LRRC55: variants seen among roughly 807,000 people sequenced by gnomAD.
LRRC55 encodes leucine rich repeat containing 55.
LRRC55 carries 11 observed loss-of-function variants against 20.5 expected under a neutral mutation model. The ratio of observed to expected loss-of-function variants is 0.54; its 90% confidence interval spans 0.34 to 0.89. LRRC55 has a LOEUF of 0.89. Among genes scored for constraint, LRRC55 ranks in the 40% least tolerant of loss-of-function variants. The pLI, the probability that LRRC55 is intolerant of heterozygous loss-of-function variation, is 0.02. For missense variants in LRRC55, 358 were observed against 390.9 expected (o/e 0.92, Z 0.71); for synonymous variants, 188 against 166.6 (o/e 1.13, Z -0.99).
rs1291653588 is a variant in LRRC55 at position 57,188,154 on chromosome 11, C to T, written c.*674C>T. 1 of 153,084 alleles carries T rather than the reference C, an allele frequency of 6.5e-6. No individual in the cohort carries two copies. The highest frequency in any genetic ancestry group is 2.4e-5 in the African/African-American group (1 of 41,464). 9.5% of individuals were successfully genotyped at this position (153,084 alleles called of 1,614,324 possible). On this transcript the variant is annotated 3_prime_UTR_variant, in exon 2 of 2. Coordinates refer to ENST00000497933, the MANE Select transcript of LRRC55 (RefSeq NM_001005210.4). ...GAGACCACCTCCCAGTGACTGCCCC[C>T]ATATGACCAAATGTCACCAGTTGGT... is the stretch of plus-strand genomic sequence containing the variant.
In LRRC55 at chr11:57,188,395, G is replaced by C. The variant is rs1376590619; in HGVS notation, c.*915G>C. ...GTGCACTGTGGGCCACAGACCCACAGCCTGGCAGCACCCAGAGCTAAAAGG... is the reference window on the plus strand; with the variant it reads ...GTGCACTGTGGGCCACAGACCCACACCCTGGCAGCACCCAGAGCTAAAAGG... On this transcript the variant is annotated 3_prime_UTR_variant, in exon 2 of 2. Coordinates refer to ENST00000497933, the MANE Select transcript of LRRC55 (RefSeq NM_001005210.4). 6.5e-6 allele frequency: 1 copy of C among 152,736 alleles called. No individual in the cohort carries two copies. Among genetic ancestry groups the C allele is most frequent in the Admixed American group, 6.5e-5 (1 of 15,284 alleles). 9.5% of individuals were successfully genotyped at this position (152,736 alleles called of 1,614,324 possible). A position where few individuals can be genotyped will look rare whatever the true frequency, so the allele number is the denominator to read the frequency against.
Position 57,190,719 on chromosome 11 carries a change from A to G in LRRC55, c.*3239A>G, listed in dbSNP as rs1361535702. The G allele has an allele frequency of 1.3e-5, 2 of 152,222 alleles. No homozygotes were observed. Among genetic ancestry groups the G allele is most frequent in the Non-Finnish European group, 2.9e-5 (2 of 68,046 alleles). The allele number at this position is 152,222 out of a possible 1,614,324, so 9.4% of individuals were successfully genotyped here. On this transcript the variant is annotated 3_prime_UTR_variant, in exon 2 of 2. Transcript: ENST00000497933. ...CTGAGTGGCTAAATATGCATAAATA[A>G]GCATGCCTAAATAGGCATATATAGG...
intron 1 of LRRC55, among the ~76,000 whole-genome samples, chr11:57,186,036 G>A (rs1025226763): frequency 4.0e-5 from 6 of 151,590 alleles, no homozygotes; most frequent in Non-Finnish European, 7.4e-5. Context: ...CATATAATTC[G>A]TGTACGTTAA....
chr11:57,187,208 C>T, intron 1 of LRRC55, 37 bp from the exon 2 acceptor site: 2 of 1,587,042 alleles, frequency 1.3e-6, no homozygotes, highest in African/African-American at 1.3e-5. Flanking sequence ...CCTCTCCTTC[C>T]CTGGGTACCT....
At chr11:57,185,982 AAATAT>A (rs1161315514) in intron 1 of LRRC55, among the ~76,000 whole-genome samples, 2 of 151,226 alleles carry the variant, frequency 1.3e-5, no homozygotes, top group East Asian at 1.9e-4. Flanking sequence ...CATATAATTG[AAATAT>A]AATATATGTT....
rs556635898 is a variant in LRRC55, at chr11:57,184,129, C to A, written c.661+1446C>A. Among the ~76,000 whole-genome samples, 4 of 152,318 alleles carry A rather than the reference C, an allele frequency of 2.6e-5. No homozygotes were observed. In the South Asian group the frequency reaches 8.3e-4, roughly 32 times the overall value. The stretch of plus-strand genomic sequence containing the variant: ...TTCCACAGAGCTGTAGGAGGAAATT[C>A]TCTTGCATCAAAATAGCTGGGGACT... On this transcript the variant is annotated intron_variant, in intron 1 of 1. Transcript: ENST00000497933.
Position 57,182,068 on chromosome 11 carries a change from C to A in LRRC55, c.46C>A (p.Pro16Thr). Reference sequence around the variant, plus strand: ...GCTTCCCTGGCCCGGGCCACCCCACCCAGCAATGCTGCTGATCTCCCTCCT... The same window carrying A: ...GCTTCCCTGGCCCGGGCCACCCCACACAGCAATGCTGCTGATCTCCCTCCT... ...AQLPWPGPPH[P>T]AMLLISLLLA... Residue 16 changes from proline (P) to threonine (T), a missense_variant, in exon 1 of 2, where the codon CCA (proline) becomes ACA (threonine). Transcript: ENST00000497933. The A allele has an allele frequency of 6.2e-7, 1 of 1,614,190 alleles. No individual in the cohort carries two copies. Among genetic ancestry groups the A allele is most frequent in the Non-Finnish European group, 8.5e-7 (1 of 1,180,030 alleles).
In LRRC55 at chr11:57,190,781, A is replaced by C. The variant is rs944224929; in HGVS notation, c.*3301A>C. ...GTAATTGCGGTTTTTGCCATTAAAA[A>C]TGATAGCAAAAATCCCAATTACTTT... On this transcript the variant is annotated 3_prime_UTR_variant, in exon 2 of 2. Transcript: ENST00000497933. The C allele has an allele frequency of 6.6e-6, 1 of 152,066 alleles. No homozygotes were observed. The highest frequency in any genetic ancestry group is 2.4e-5 in the African/African-American group (1 of 41,416). The allele number at this position is 152,066 out of a possible 1,614,324, so 9.4% of individuals were successfully genotyped here. A position where few individuals can be genotyped will look rare whatever the true frequency, so the allele number is the denominator to read the frequency against.
chr11:57,185,463 T>G (rs1320565449), intron 1 of LRRC55, among the ~76,000 whole-genome samples: 1 of 151,672 alleles, frequency 6.6e-6, no homozygotes, highest in Non-Finnish European at 1.5e-5. Context: ...GTATTTTTAG[T>G]AGAGATGGGG....
intron 1 of LRRC55, among the ~76,000 whole-genome samples, chr11:57,182,942 G>A (rs181164232): frequency 6.6e-6 from 1 of 152,142 alleles, no homozygotes; most frequent in Non-Finnish European, 1.5e-5. Context: ...TGAGGCAGAC[G>A]GATAGTAGAC....
At chr11:57,184,770 T>A (rs1434096866) in intron 1 of LRRC55, among the ~76,000 whole-genome samples, 1 of 152,184 alleles carries the variant, frequency 6.6e-6, no homozygotes, top group African/African-American at 2.4e-5. Flanking sequence ...CCAGGGGGTT[T>A]TGTCAGCCTC....
At chr11:57,184,521 C>T (rs1183830610) in intron 1 of LRRC55, among the ~76,000 whole-genome samples, 5 of 152,250 alleles carry the variant, frequency 3.3e-5, no homozygotes, top group African/African-American at 7.2e-5. Flanking sequence ...TGTTCCTCCA[C>T]AGAACACACT....
chr11:57,187,188 T>C (rs1854442065), intron 1 of LRRC55, 57 bp from the exon 2 acceptor site: 1 of 1,514,394 alleles, frequency 6.6e-7, no homozygotes, highest in Non-Finnish European at 9.1e-7. Context: ...GTGGGTGGAC[T>C]TTCCAATCCC....
intron 1 of LRRC55, among the ~76,000 whole-genome samples, chr11:57,184,363 C>G (rs1377903375): frequency 6.6e-6 from 1 of 152,178 alleles, no homozygotes; most frequent in Non-Finnish European, 1.5e-5. Context: ...AGACTCCCAG[C>G]GAGCAGGAGA....
chr11:57,191,629 G>A lies in LRRC55; in HGVS notation c.*4149G>A, dbSNP rs1854512651. 6.6e-6 allele frequency: 1 copy of A among 152,152 alleles called. No individual in the cohort carries two copies. The highest frequency in any genetic ancestry group is 1.5e-5 in the Non-Finnish European group (1 of 68,060). 9.4% of individuals were successfully genotyped at this position (152,152 alleles called of 1,614,324 possible). A position where few individuals can be genotyped will look rare whatever the true frequency, so the allele number is the denominator to read the frequency against. ...AGAGGGAAGATGCCAACCTTTGTAT[G>A]GAGATGATTTTATAACCATGCACTT... is the stretch of plus-strand genomic sequence containing the variant. On this transcript the variant is annotated 3_prime_UTR_variant, in exon 2 of 2. Transcript: ENST00000497933.
intron 1 of LRRC55, among the ~76,000 whole-genome samples, chr11:57,184,553 A>G (rs1213573366): frequency 6.6e-6 from 1 of 152,230 alleles, no homozygotes; most frequent in Non-Finnish European, 1.5e-5. Context: ...CACACGCACC[A>G]GGGTGCTTCT....
Position 57,182,449 on chromosome 11 carries a change from G to A in LRRC55, c.427G>A (p.Asp143Asn), listed in dbSNP as rs1439856458. The change falls in exon 1 of 2, where the codon GAC becomes AAC. Residue 143 changes from aspartate (D) to asparagine (N), a missense_variant. This residue lies in a region of LRRC55 where 178 missense variants were observed against 207.9 expected (regional missense o/e 0.86). Coordinates refer to ENST00000497933, the MANE Select transcript of LRRC55 (RefSeq NM_001005210.4). ...GGAGGCCCATGGGCTAGTCCACATCGACCTGAGCCACAACCCCTGGCTGCG... is the reference window on the plus strand; with the variant it reads ...GGAGGCCCATGGGCTAGTCCACATCAACCTGAGCCACAACCCCTGGCTGCG... ...FQEAHGLVHI[D>N]LSHNPWLRRV... 8 of 1,611,700 alleles carry A rather than the reference G, an allele frequency of 5.0e-6. No homozygotes were observed. Among genetic ancestry groups the A allele is most frequent in the East Asian group, 2.2e-5 (1 of 44,882 alleles).
In LRRC55 at chr11:57,182,129, C is replaced by T. The variant is rs761580088; in HGVS notation, c.107C>T (p.Thr36Ile). The change falls in exon 1 of 2, where the codon ACC becomes ATC. Residue 36 changes from threonine to isoleucine, a missense_variant. Physicochemically the swap from Thr to Ile is moderately conservative, Grantham distance 89 (BLOSUM62 -1). Transcript: ENST00000497933. ...GGGTTGATGCACTCGGATGCCGGCACCAGCTGCCCCGTCCTTTGCACATGC... is the reference window on the plus strand; with the variant it reads ...GGGTTGATGCACTCGGATGCCGGCATCAGCTGCCCCGTCCTTTGCACATGC... ...AAGLMHSDAGTSCPVLCTCRN... is the reference protein window; with the variant it reads ...AAGLMHSDAGISCPVLCTCRN... 4 of 1,614,208 alleles carry T rather than the reference C, an allele frequency of 2.5e-6. No individual in the cohort carries two copies. The highest frequency in any genetic ancestry group is 1.6e-4 in the Middle Eastern group (1 of 6,062).
In LRRC55 at chr11:57,182,412, C is replaced by T. The variant is rs200504104; in HGVS notation, c.390C>T (p.Ala130=). The T allele has an allele frequency of 1.4e-5, 22 of 1,613,118 alleles. No homozygotes were observed. Among genetic ancestry groups the T allele is most frequent in the East Asian group, 2.2e-5 (1 of 44,888 alleles). ...LSYNNFSHVP[A]DMFQEAHGLV... ...ACAACAATTTCAGCCATGTGCCAGCCGACATGTTCCAGGAGGCCCATGGGC... is the reference window on the plus strand; with the variant it reads ...ACAACAATTTCAGCCATGTGCCAGCTGACATGTTCCAGGAGGCCCATGGGC... Residue 130 remains alanine (A), a synonymous_variant, in exon 1 of 2, where the codon GCC becomes GCT. Transcript: ENST00000497933.
Sources: gnomAD v4.1 joint callset for allele counts (sites outside exome capture counted in the v4.1 genomes callset) on GRCh38, gnomAD v4.1.1 for gene constraint, gnomAD v4.1.1 regional missense constraint, MANE v1.5 for transcripts, NCBI Gene and HGNC (gene_info 2026-07-23, HGNC 2026-07-21) for gene names.